The following PRKD2 variants were observed in gnomAD, a reference collection of about 807,000 sequenced individuals.
PRKD2 encodes the protein protein kinase D2, also known as serine/threonine-protein kinase D2.
Under a neutral mutation model 86.0 loss-of-function variants are expected in PRKD2, and 22 were observed. The ratio of observed to expected loss-of-function variants is 0.26; its 90% confidence interval spans 0.18 to 0.37. The LOEUF is 0.37. PRKD2 is among the 10% of genes least tolerant of loss of function. The probability of loss-of-function intolerance (pLI) is 1.00; values close to 1 mark genes in which losing one functional copy is unlikely to be tolerated. For missense variants in PRKD2, 818 were observed against 1,199.2 expected (o/e 0.68, Z 4.70); for synonymous variants, 509 against 510.9 (o/e 1.00, Z 0.05).
At chr19:46,681,583 T>TGCCCCCCCCCCCCC in intron 15 of PRKD2, 67 bp downstream of exon 15, 3 of 671,504 alleles carry the variant, frequency 4.5e-6, no homozygotes, top group East Asian at 3.6e-5. Context: ...ATAATCCCCT[T>TGCCCCCCCCCCCCC]CCCCACCCCC....
At chr19:46,680,946 A>ATATATATATGTATTTTTT in intron 15 of PRKD2, among the ~76,000 whole-genome samples, 1 of 48,258 alleles carries the variant, frequency 2.1e-5, no homozygotes, top group Non-Finnish European at 4.0e-5. Context: ...ATATATATAT[A>ATATATATATGTATTTTTT]TTTTTTTTTT....
chr19:46,690,096 G>A (rs887814015), intron 13 of PRKD2, among the ~76,000 whole-genome samples: 1 of 152,100 alleles, frequency 6.6e-6, no homozygotes, highest in African/African-American at 2.4e-5. Flanking sequence ...CAGGAGGGAG[G>A]AGGGGGAGCT....
intron 16 of PRKD2, among the ~76,000 whole-genome samples, chr19:46,676,424 TCAAAACAAAA>T (rs562575000): frequency 9.9e-5 from 15 of 151,992 alleles, no homozygotes; most frequent in Admixed American, 2.0e-4. Flanking sequence ...AAACTCCGTC[TCAAAACAAAA>T]CAAAACAAAA....
rs2053486512 is a variant in PRKD2, at chr19:46,691,717, G to T, written c.1702+18C>A. On this transcript the variant is annotated intron_variant, in intron 12 of 17. Coordinates refer to ENST00000291281, the MANE Select transcript of PRKD2 (RefSeq NM_016457.5). ...CCAGCCCGGGGCTCCCTCTGGGTTA[G>T]CTCTGAAGTGTCCTCACCTCCATAG... The T allele has an allele frequency of 6.2e-7, 1 of 1,611,776 alleles. No homozygotes were observed.
chr19:46,688,536 A>G (rs1369497266), intron 14 of PRKD2, among the ~76,000 whole-genome samples: 3 of 151,316 alleles, frequency 2.0e-5, no homozygotes, highest in African/African-American at 7.3e-5. Flanking sequence ...TCCTGGGCTC[A>G]AGGGATTCTC....
intron 16 of PRKD2, among the ~76,000 whole-genome samples, chr19:46,677,671 G>C (rs907092951): frequency 3.9e-5 from 6 of 152,124 alleles, no homozygotes; most frequent in Non-Finnish European, 5.9e-5. Flanking sequence ...ACCAGGCCCG[G>C]TGCCACTTCA....
intron 14 of PRKD2, 75 bp downstream of exon 14, chr19:46,689,462 C>T: frequency 6.7e-7 from 1 of 1,491,956 alleles, no homozygotes; most frequent in Admixed American, 2.0e-5. Flanking sequence ...CTGCTTGACC[C>T]CCTAGGCATA....
Position 46,678,898 on chromosome 19 carries a change from A to C in PRKD2, c.2071-235T>G, listed in dbSNP as rs1243040467. 6.6e-6 allele frequency among the ~76,000 whole-genome samples: 1 copy of C among 152,182 alleles called. No homozygotes were observed. The highest frequency in any genetic ancestry group is 1.5e-5 in the Non-Finnish European group (1 of 68,034). ...GCACCTATCTCAGAGGACTGCCATG[A>C]TGGTTAGTGAATTAAACCATCCAAA... On this transcript the variant is annotated intron_variant, in intron 15 of 17. Coordinates refer to ENST00000291281, the MANE Select transcript of PRKD2 (RefSeq NM_016457.5). This position sits in a 1 kb window ranked among gnomAD's most constrained non-coding sequence, Gnocchi z 5.7.
intron 3 of PRKD2, among the ~76,000 whole-genome samples, chr19:46,705,782 G>A (rs1272764676): frequency 9.7e-6 from 1 of 102,912 alleles, no homozygotes; most frequent in African/African-American, 3.6e-5. Context: ...GCGAGACTCA[G>A]TTTCAAAAAA....
At chr19:46,697,501 G>A (rs2053577836) in intron 8 of PRKD2, among the ~76,000 whole-genome samples, 1 of 139,606 alleles carries the variant, frequency 7.2e-6, no homozygotes, top group South Asian at 2.4e-4. Context: ...CCTAACTCTA[G>A]CCCCGCCCCT....
At position 46,691,988 on chromosome 19, in the gene PRKD2, AG is replaced by A; in HGVS notation, c.1577-4del. ...AGAGATGCTCAGAGAAGCTTGTCCTAGGGAGAGGGGAGAGACAGAGGTGAGG... is the reference window on the plus strand; with the variant it reads ...AGAGATGCTCAGAGAAGCTTGTCCTAGGAGAGGGGAGAGACAGAGGTGAGG... On this transcript the variant is annotated splice_region_variant and splice_polypyrimidine_tract_variant and intron_variant, in intron 10 of 17. Transcript: ENST00000291281. 2 of 1,613,728 alleles carry A rather than the reference AG, an allele frequency of 1.2e-6. No homozygotes were observed. The highest frequency in any genetic ancestry group is 2.2e-5 in the East Asian group (1 of 44,886).
chr19:46,703,955 AACAACAC>A (rs1227355699), intron 5 of PRKD2, among the ~76,000 whole-genome samples: 1 of 123,594 alleles, frequency 8.1e-6, no homozygotes, highest in African/African-American at 3.8e-5. Context: ...AAAAAACAAC[AACAACAC>A]ACACACACAC....
intron 16 of PRKD2, among the ~76,000 whole-genome samples, chr19:46,675,913 G>A (rs1276436304): frequency 6.6e-6 from 1 of 151,772 alleles, no homozygotes; most frequent in Non-Finnish European, 1.5e-5. Context: ...GGGACTACAA[G>A]CACCTGTCAC....
intron 5 of PRKD2, among the ~76,000 whole-genome samples, chr19:46,702,410 C>T (rs2053649734): frequency 6.6e-6 from 1 of 152,130 alleles, no homozygotes; most frequent in South Asian, 2.1e-4. Flanking sequence ...TATGAGTCAA[C>T]ACTTCTAAGA....
At chr19:46,682,382 T>C (rs1345320747) in intron 14 of PRKD2, among the ~76,000 whole-genome samples, 1 of 151,880 alleles carries the variant, frequency 6.6e-6, no homozygotes, top group Non-Finnish European at 1.5e-5. Context: ...CTCAAACTCC[T>C]GGACTCAAGT....
chr19:46,687,015 G>C (rs1468809996), intron 14 of PRKD2, among the ~76,000 whole-genome samples: 2 of 151,774 alleles, frequency 1.3e-5, no homozygotes, highest in Non-Finnish European at 2.9e-5. Context: ...ATAAAATAAA[G>C]AGGCAAACAC....
Position 46,704,269 on chromosome 19 carries a change from C to T in PRKD2, c.789G>A (p.Val263=). 6.2e-7 allele frequency: 1 copy of T among 1,614,246 alleles called. No homozygotes were observed. The highest frequency in any genetic ancestry group is 8.5e-7 in the Non-Finnish European group (1 of 1,180,040). Reference sequence around the variant, plus strand: ...AGCTGTGGATGAGGAAGGTGTGCGGCACCTTGACCTTGGAGAGCAGCATCT... The same window carrying T: ...AGCTGTGGATGAGGAAGGTGTGCGGTACCTTGACCTTGGAGAGCAGCATCT... The part of the protein sequence containing the change: ...LDKMLLSKVK[V]PHTFLIHSYT... The change falls in exon 5 of 18, where the codon GTG becomes GTA. Residue 263 remains valine (V), a synonymous_variant. Transcript: ENST00000291281.
intron 2 of PRKD2, among the ~76,000 whole-genome samples, chr19:46,712,009 C>T (rs994561099): frequency 4.8e-5 from 7 of 147,042 alleles, no homozygotes; most frequent in East Asian, 4.2e-4. Flanking sequence ...CAGAGGTTGC[C>T]GTGAGCCAAG....
At chr19:46,710,668 C>A in intron 3 of PRKD2, 1 of 512,682 alleles carries the variant, frequency 2.0e-6, no homozygotes, top group South Asian at 3.2e-5. Flanking sequence ...CCTACTTGTC[C>A]CTCCCAGCTC....
Sources: gnomAD v4.1 joint callset for allele counts (sites outside exome capture counted in the v4.1 genomes callset) on GRCh38, gnomAD v4.1.1 for gene constraint, Gnocchi (gnomAD v3.1) non-coding constraint, MANE v1.5 for transcripts, NCBI Gene and HGNC (gene_info 2026-07-23, HGNC 2026-07-21) for gene names.